VSIG1: variants seen among roughly 807,000 people sequenced by gnomAD.
The protein encoded by VSIG1 is V-set and immunoglobulin domain containing 1, also known as V-set and immunoglobulin domain-containing protein 1.
A neutral mutation model predicts 20.1 loss-of-function variants in VSIG1; 11 were observed. The observed-to-expected ratio is 0.55, with a 90% CI of 0.34 to 0.91. VSIG1 has a LOEUF of 0.91. Ranked by LOEUF, VSIG1 falls within the 40% of genes least tolerant of loss-of-function variation. The pLI, the probability that VSIG1 is intolerant of heterozygous loss-of-function variation, is 0.02. For missense variants in VSIG1, 283 were observed against 298.8 expected (o/e 0.95, Z 0.39); for synonymous variants, 126 against 116.7 (o/e 1.08, Z -0.52).
At chrX:108,033,094 G>T in the VSIG1 span, among the ~76,000 whole-genome samples, 1 of 111,383 alleles carries the variant, frequency 9.0e-6, no homozygotes, top group African/African-American at 3.3e-5. Flanking sequence ...GTTTCCTGCT[G>T]GTTGGGGCTG....
rs781474155 is a variant in VSIG1 at position 108,066,922 on chromosome X, A to G, written c.214-14A>G. ...ACTCTCTCCAGTTCTCACTTCTGTT[A>G]TTTTTCTGTCTAGATTTACTTTTCT... On this transcript the variant is annotated splice_polypyrimidine_tract_variant and intron_variant, in intron 2 of 6. Transcript: ENST00000217957. 2 of 1,205,815 alleles carry G rather than the reference A, an allele frequency of 1.7e-6. No individual in the cohort carries two copies. Among genetic ancestry groups the G allele is most frequent in the Admixed American group, 4.4e-5 (2 of 45,674 alleles).
chrX:108,070,374 C>A (rs2031214966), intron 3 of VSIG1, among the ~76,000 whole-genome samples: 1 of 111,457 alleles, frequency 9.0e-6, no homozygotes, highest in African/African-American at 3.3e-5. Flanking sequence ...AATCCTGGGT[C>A]AGTAGTTTTA....
chrX:108,052,768 A>T (rs1163358303), intron 1 of VSIG1, among the ~76,000 whole-genome samples: 2 of 112,306 alleles, frequency 1.8e-5, no homozygotes, highest in Non-Finnish European at 3.8e-5. Context: ...ATTATTTGTT[A>T]ATTAATTAAA....
chrX:108,030,175 A>T, the VSIG1 span, among the ~76,000 whole-genome samples: 45 of 111,930 alleles, frequency 4.0e-4, no homozygotes, highest in African/African-American at 1.3e-3. Flanking sequence ...AGCTCATAAC[A>T]AAAAAGGTTC....
At chrX:108,021,707 C>T in the VSIG1 span, among the ~76,000 whole-genome samples, 1 of 112,209 alleles carries the variant, frequency 8.9e-6, no homozygotes, top group South Asian at 3.7e-4. Flanking sequence ...AGGTATATGA[C>T]CCACTTTAAG....
At chrX:108,047,961 C>CACATAT (rs2030681207) in intron 1 of VSIG1, among the ~76,000 whole-genome samples, 5 of 19,938 alleles carry the variant, frequency 2.5e-4, no homozygotes, top group East Asian at 1.1e-3. Context: ...TATACACACA[C>CACATAT]ATATATATAT....
chrX:108,052,139 C>CACATTGGGT (rs2030797231), intron 1 of VSIG1, among the ~76,000 whole-genome samples: 1 of 111,691 alleles, frequency 9.0e-6, no homozygotes, highest in African/African-American at 3.3e-5. Flanking sequence ...TTTTAGTCTA[C>CACATTGGGT]ACATTGGGTA....
intron 1 of VSIG1, among the ~76,000 whole-genome samples, chrX:108,057,626 G>T (rs1032530658): frequency 9.0e-6 from 1 of 111,342 alleles, no homozygotes; most frequent in Non-Finnish European, 1.9e-5. Flanking sequence ...GATATGTTTT[G>T]CCTGAGATTT....
the VSIG1 span, among the ~76,000 whole-genome samples, chrX:108,027,205 A>G: frequency 8.9e-6 from 1 of 111,911 alleles, no homozygotes; most frequent in Non-Finnish European, 1.9e-5. Context: ...CCCGTCTTCA[A>G]AGAAAATCCT....
In VSIG1 at chrX:108,077,421, A is replaced by T; in HGVS notation, c.*40A>T. ...TACAGCATTAATCATTAAGGAACCC[A>T]TTACTGCCATTTGGAATTCAAATAA... On this transcript the variant is annotated 3_prime_UTR_variant, in exon 7 of 7. Coordinates refer to ENST00000217957, the MANE Select transcript of VSIG1 (RefSeq NM_182607.5). 8.7e-7 allele frequency: 1 copy of T among 1,153,495 alleles called. No homozygotes were observed. The highest frequency in any genetic ancestry group is 3.0e-5 in the East Asian group (1 of 33,175).
the VSIG1 span, among the ~76,000 whole-genome samples, chrX:108,019,847 G>A: frequency 9.0e-6 from 1 of 111,413 alleles, no homozygotes; most frequent in Admixed American, 9.5e-5. Flanking sequence ...TTAGTCTTCG[G>A]CCAGCAAGGA....
the VSIG1 span, among the ~76,000 whole-genome samples, chrX:108,027,289 G>A: frequency 8.9e-6 from 1 of 112,043 alleles, no homozygotes; most frequent in Non-Finnish European, 1.9e-5. Flanking sequence ...ATCAACTGAT[G>A]CATGGATAAA....
chrX:108,078,121 A>T lies in VSIG1; in HGVS notation c.*740A>T, dbSNP rs2031387025. ...CATTTTTATATTGACCACTAAGAAA[A>T]TAATTCATCAGCATTATCTCATAGA... On this transcript the variant is annotated 3_prime_UTR_variant, in exon 7 of 7. Transcript: ENST00000217957. 1 of 112,524 alleles carries T rather than the reference A, an allele frequency of 8.9e-6. No homozygotes were observed. The highest frequency in any genetic ancestry group is 1.9e-5 in the Non-Finnish European group (1 of 53,314). The allele number at this position is 112,524 out of a possible 1,213,427, so 9.3% of individuals were successfully genotyped here.
At chrX:108,061,357 T>C in intron 2 of VSIG1, 3 of 811,187 alleles carry the variant, frequency 3.7e-6, no homozygotes, top group Non-Finnish European at 5.4e-6. Context: ...TCAGTTCAAC[T>C]CCTGGGTTGA....
the VSIG1 span, among the ~76,000 whole-genome samples, chrX:108,038,658 A>T: frequency 8.9e-6 from 1 of 112,266 alleles, no homozygotes; most frequent in Non-Finnish European, 1.9e-5. Context: ...GCACATATAC[A>T]TCATGGAATA....
chrX:108,022,949 C>T, the VSIG1 span, among the ~76,000 whole-genome samples: 20 of 111,979 alleles, frequency 1.8e-4, no homozygotes, highest in Non-Finnish European at 3.6e-4. Flanking sequence ...CCCCACTTCA[C>T]CTTCTGCCAT....
the VSIG1 span, among the ~76,000 whole-genome samples, chrX:108,037,619 T>C: frequency 1.8e-5 from 2 of 112,352 alleles, no homozygotes; most frequent in African/African-American, 6.5e-5. Context: ...TTGCCACTAT[T>C]TCAGACTTTA....
intron 1 of VSIG1, among the ~76,000 whole-genome samples, chrX:108,049,803 G>T (rs2030746506): frequency 1.8e-5 from 2 of 112,052 alleles, no homozygotes; most frequent in Admixed American, 1.9e-4. Context: ...CACGGCCAGA[G>T]ATGTGGCTAA....
the VSIG1 span, among the ~76,000 whole-genome samples, chrX:108,024,598 C>T: frequency 9.1e-6 from 1 of 109,307 alleles, no homozygotes; most frequent in Non-Finnish European, 1.9e-5. Context: ...TACAAATTTC[C>T]CTCTGAGTAC....
Sources: gnomAD v4.1 joint callset for allele counts (sites outside exome capture counted in the v4.1 genomes callset) on GRCh38, gnomAD v4.1.1 for gene constraint, MANE v1.5 for transcripts, NCBI Gene and HGNC (gene_info 2026-07-23, HGNC 2026-07-21) for gene names.